KIAA1328: variants seen among roughly 807,000 people sequenced by gnomAD.
KIAA1328 encodes protein hinderin.
In KIAA1328, 52 loss-of-function variants were observed where a neutral mutation model predicts 68.1. The ratio of observed to expected loss-of-function variants is 0.76; its 90% CI spans 0.61 to 0.96. The LOEUF is 0.96. Among genes scored for constraint, KIAA1328 ranks in the 40% least tolerant of loss-of-function variants. KIAA1328 has a pLI of 0.00. For missense variants in KIAA1328, 641 were observed against 677.6 expected (o/e 0.95, Z 0.60); for synonymous variants, 232 against 239.4 (o/e 0.97, Z 0.28).
Position 36,886,568 on chromosome 18 carries a change from CAT to C in KIAA1328, c.448+899_448+900del, listed in dbSNP as rs575166758. On this transcript the variant is annotated intron_variant, in intron 5 of 9. Transcript: ENST00000280020. Reference sequence around the variant, plus strand: ...TATTTGTAAGAAGATAAAGTAAAAACATATTTTAGGGGTGTGTTAAAATAAGC... The same window carrying C: ...TATTTGTAAGAAGATAAAGTAAAAACATTTTAGGGGTGTGTTAAAATAAGC... Among the ~76,000 whole-genome samples, 1,114 of 151,840 alleles carry C rather than the reference CAT, an allele frequency of 7.3e-3. 6 individuals are homozygous for C. The highest frequency in any genetic ancestry group is 0.012 in the Non-Finnish European group (814 of 67,906).
intron 7 of KIAA1328, among the ~76,000 whole-genome samples, chr18:37,083,620 A>T (rs2057014059): frequency 6.6e-6 from 1 of 152,212 alleles, no homozygotes; most frequent in Non-Finnish European, 1.5e-5. Flanking sequence ...AGTGTCTTCC[A>T]GTTCTTTTGG....
chr18:37,175,560 AC>A (rs1430749512), intron 9 of KIAA1328, among the ~76,000 whole-genome samples: 1 of 152,282 alleles, frequency 6.6e-6, no homozygotes, highest in East Asian at 1.9e-4. Flanking sequence ...ATGCATGATG[AC>A]ATCATACAGG....
intron 6 of KIAA1328, among the ~76,000 whole-genome samples, chr18:36,992,933 G>A (rs941997616): frequency 6.6e-6 from 1 of 151,976 alleles, no homozygotes; most frequent in East Asian, 1.9e-4. Flanking sequence ...GTGAAACCTC[G>A]TCTCTACAAA....
chr18:37,104,453 TAAAA>T (rs1283612722), intron 7 of KIAA1328, among the ~76,000 whole-genome samples: 2 of 152,056 alleles, frequency 1.3e-5, no homozygotes, highest in Non-Finnish European at 2.9e-5. Flanking sequence ...ATGTGAGAGC[TAAAA>T]AAAGTTGAGG....
At chr18:37,076,585 A>G (rs2056744673) in intron 7 of KIAA1328, among the ~76,000 whole-genome samples, 1 of 151,868 alleles carries the variant, frequency 6.6e-6, no homozygotes, top group Non-Finnish European at 1.5e-5. Flanking sequence ...ATAGACCGCT[A>G]GCAAGACTAA....
chr18:37,085,852 C>G (rs1232647410), intron 7 of KIAA1328, among the ~76,000 whole-genome samples: 1 of 152,064 alleles, frequency 6.6e-6, no homozygotes, highest in African/African-American at 2.4e-5. Flanking sequence ...TAACATAGCC[C>G]CACACGTGCT....
At chr18:37,035,980 TG>T (rs1248261850) in intron 6 of KIAA1328, among the ~76,000 whole-genome samples, 1 of 152,214 alleles carries the variant, frequency 6.6e-6, no homozygotes, top group African/African-American at 2.4e-5. Flanking sequence ...CTTTCTCTCC[TG>T]CCTTTGCCTC....
At chr18:37,044,642 A>G (rs898734390) in intron 6 of KIAA1328, among the ~76,000 whole-genome samples, 1 of 150,834 alleles carries the variant, frequency 6.6e-6, no homozygotes, top group Non-Finnish European at 1.5e-5. Context: ...CTAAAAATAC[A>G]AAAAAAAATT....
intron 5 of KIAA1328, among the ~76,000 whole-genome samples, chr18:36,924,544 C>A (rs10502669): frequency 0.73 from 111,565 of 151,962 alleles, 44,021 homozygotes; most frequent in South Asian, 0.89. Context: ...TATGACTATA[C>A]ATTTGGCCAC....
chr18:37,110,922 C>T (rs2057912930), intron 7 of KIAA1328, among the ~76,000 whole-genome samples: 1 of 152,168 alleles, frequency 6.6e-6, no homozygotes, highest in African/African-American at 2.4e-5. Flanking sequence ...TTGTTTTTCA[C>T]ATTGCTCCTG....
At chr18:37,005,175 T>C (rs548807206) in intron 6 of KIAA1328, among the ~76,000 whole-genome samples, 1 of 152,056 alleles carries the variant, frequency 6.6e-6, no homozygotes, top group South Asian at 2.1e-4. Context: ...ATCTCACAAA[T>C]CACCACTAAA....
chr18:36,927,482 C>T (rs1000028780), intron 5 of KIAA1328, among the ~76,000 whole-genome samples: 1 of 152,212 alleles, frequency 6.6e-6, no homozygotes, highest in African/African-American at 2.4e-5. Context: ...TGCACTGGCT[C>T]ACGCCTGTCA....
intron 6 of KIAA1328, among the ~76,000 whole-genome samples, chr18:36,997,720 C>T (rs1026989013): frequency 2.0e-5 from 3 of 152,176 alleles, no homozygotes; most frequent in African/African-American, 7.2e-5. Context: ...CGGGCAAGAG[C>T]TGGTAGGGCT....
At chr18:37,137,061 G>A (rs555670040) in intron 7 of KIAA1328, among the ~76,000 whole-genome samples, 4 of 152,108 alleles carry the variant, frequency 2.6e-5, no homozygotes, top group African/African-American at 9.6e-5. Flanking sequence ...TTTTAGTAAA[G>A]GAGCAAATTA....
At chr18:37,154,951 G>A (rs1255375680) in intron 7 of KIAA1328, among the ~76,000 whole-genome samples, 1 of 151,720 alleles carries the variant, frequency 6.6e-6, no homozygotes, top group Non-Finnish European at 1.5e-5. Context: ...TATTTCCCTT[G>A]ACCCCCAGTC....
chr18:37,174,753 T>C (rs1002553227), intron 9 of KIAA1328, among the ~76,000 whole-genome samples: 3 of 151,804 alleles, frequency 2.0e-5, no homozygotes, highest in African/African-American at 7.3e-5. Flanking sequence ...ACCACCACGC[T>C]TGGCTAATTT....
chr18:37,171,133 A>G (rs929414610), intron 8 of KIAA1328, among the ~76,000 whole-genome samples: 2 of 152,232 alleles, frequency 1.3e-5, no homozygotes, highest in Non-Finnish European at 2.9e-5. Flanking sequence ...TTATACCTCA[A>G]TAAAATTTAT....
At chr18:36,834,487 G>T in intron 2 of KIAA1328, 132 bp downstream of exon 2, 1 of 708,426 alleles carries the variant, frequency 1.4e-6, no homozygotes. Flanking sequence ...CCTAAAATTT[G>T]TTTTTTTTGA....
intron 7 of KIAA1328, among the ~76,000 whole-genome samples, chr18:37,151,423 A>T (rs2059026308): frequency 6.6e-6 from 1 of 152,204 alleles, no homozygotes. Flanking sequence ...TGGCAAACTT[A>T]TTCTGAAATT....
Sources: allele counts gnomAD v4.1 joint callset (sites outside exome capture counted in the v4.1 genomes callset), GRCh38; gene constraint gnomAD v4.1.1; transcripts MANE v1.5; gene names NCBI Gene and HGNC (gene_info 2026-07-23, HGNC 2026-07-21).